The following CPSF1 variants were observed in gnomAD, a reference collection of about 807,000 sequenced individuals.
CPSF1 encodes cleavage and polyadenylation specificity factor subunit 1.
CPSF1 carries 106 observed loss-of-function variants against 175.8 expected under a neutral mutation model. The ratio of observed to expected loss-of-function variants is 0.60; its 90% CI spans 0.52 to 0.71. The LOEUF is 0.71. Ranked by LOEUF, CPSF1 falls within the 30% of genes least tolerant of loss-of-function variation. The probability of loss-of-function intolerance (pLI) is 0.00; values close to 1 mark genes in which losing one functional copy is unlikely to be tolerated. For synonymous variants in CPSF1, 1,024 were observed against 858.3 expected, an observed-to-expected ratio of 1.19 and a Z score of -3.37; for missense variants, 1,734 against 2,022.9, an observed-to-expected ratio of 0.86 and a Z score of 2.74.
rs2116855708 is a variant in CPSF1, at chr8:144,398,884, G to A, written c.1549-16C>T. The A allele has an allele frequency of 3.1e-5, 50 of 1,610,284 alleles. No homozygotes were observed. The highest frequency in any genetic ancestry group is 2.9e-4 in the South Asian group (26 of 90,904). ...GGATGCTCTTCTAGAATGATGATGG[G>A]GTGGGGGTGTGATGGGGGTGTGAGC... On this transcript the variant is annotated splice_polypyrimidine_tract_variant and intron_variant, in intron 16 of 37. Transcript: ENST00000616140.
rs2116873157 is a variant in CPSF1, at chr8:144,400,190, T to C, written c.913A>G (p.Thr305Ala). 2 of 1,380,774 alleles carry C rather than the reference T, an allele frequency of 1.4e-6. No individual in the cohort carries two copies. Among genetic ancestry groups the C allele is most frequent in the East Asian group, 7.4e-5 (2 of 26,900 alleles). The allele number at this position is 1,380,774 out of a possible 1,614,324, so 85.5% of individuals were successfully genotyped here. A position where few individuals can be genotyped will look rare whatever the true frequency, so the allele number is the denominator to read the frequency against. Residue 305 changes from threonine (T) to alanine (A), a missense_variant, in exon 9 of 38, where the codon ACA (threonine) becomes GCA (alanine). Around this residue, in one of 10 missense-constraint regions of CPSF1, gnomAD observed 61 missense variants for 104.0 expected, o/e 0.59. Transcript: ENST00000616140. ...CGAAGCGGGAAAGCCGTGGTTCCTG[T>C]GGTGAGGCTGTTGAGAGCCACGCCA... Reference protein sequence around the residue: ...PYGVALNSLTTGTTAFPLRTQ... With the variant: ...PYGVALNSLTAGTTAFPLRTQ...
rs1820507704 is a variant in CPSF1, at chr8:144,393,775, C to T, written c.4037G>A (p.Gly1346Glu). 4 of 1,596,132 alleles carry T rather than the reference C, an allele frequency of 2.5e-6. No homozygotes were observed. The highest frequency in any genetic ancestry group is 2.5e-6 in the Non-Finnish European group (3 of 1,177,252). ...TWFATLDGGI[G>E]LLLPMQEKTY... ...CTTCTCCTGCATGGGCAGCAGCAGCCCGATGCCGCCGTCCAGGGTGGCTGG... is the reference window on the plus strand; with the variant it reads ...CTTCTCCTGCATGGGCAGCAGCAGCTCGATGCCGCCGTCCAGGGTGGCTGG... The change falls in exon 36 of 38, where the codon GGG becomes GAG. Residue 1346 changes from glycine (G) to glutamate (E), a missense_variant. Gly to Glu is a moderately conservative substitution (Grantham distance 98). This residue lies in a region of CPSF1 where 323 missense variants were observed against 338.5 expected (regional missense o/e 0.95). Coordinates refer to ENST00000616140, the MANE Select transcript of CPSF1 (RefSeq NM_013291.3).
rs2116881005 is a variant in CPSF1, at chr8:144,401,050, G to T, written c.413C>A (p.Thr138Lys). The change falls in exon 6 of 38, where the codon ACG becomes AAG. Residue 138 changes from threonine to lysine, a missense_variant. Physicochemically the swap from Thr to Lys is moderately conservative, Grantham distance 78. Coordinates refer to ENST00000616140, the MANE Select transcript of CPSF1 (RefSeq NM_013291.3). ...GTCGGGGTCCACCCGCACTCGCGGC[G>T]TGTGTACATTCTGCACAAACCCGTC... ...LRDGFVQNVH[T>K]PRVRVDPDGR... 4 of 1,607,770 alleles carry T rather than the reference G, an allele frequency of 2.5e-6. No homozygotes were observed.
Position 144,400,789 on chromosome 8 carries a change from T to C in CPSF1, c.568A>G (p.Ile190Val), listed in dbSNP as rs2116878305. The C allele has an allele frequency of 8.1e-6, 13 of 1,613,702 alleles. No individual in the cohort carries two copies. Among genetic ancestry groups the C allele is most frequent in the African/African-American group, 1.3e-5 (1 of 74,920 alleles). ...TCGTCTAGGGCCCGCACGTCGATGA[T>C]GTAGCTGGGCAGGAAGCTGGACCTC... The part of the protein sequence containing the change: ...GQRSSFLPSY[I>V]IDVRALDEKL... The change falls in exon 7 of 38, where the codon ATC (isoleucine) becomes GTC (valine). Residue 190 changes from isoleucine (I) to valine (V), a missense_variant. Ile to Val is a conservative substitution (Grantham distance 29). Coordinates refer to ENST00000616140, the MANE Select transcript of CPSF1 (RefSeq NM_013291.3).
At position 144,396,719 on chromosome 8, in the gene CPSF1, C is replaced by T. The variant is rs782553377; in HGVS notation, c.2705G>A (p.Arg902His). Residue 902 changes from arginine to histidine, a missense_variant, in exon 25 of 38, where the codon CGT becomes CAT. Arg to His is a conservative substitution (Grantham distance 29). This residue lies in a region of CPSF1 where 585 missense variants were observed against 584.7 expected (regional missense o/e 1.00). Coordinates refer to ENST00000616140, the MANE Select transcript of CPSF1 (RefSeq NM_013291.3). ...FKKVPHNINFREKKPKPSKKK... is the reference protein window; with the variant it reads ...FKKVPHNINFHEKKPKPSKKK... ...CTTGGATGGCTTTGGCTTCTTCTCACGGAAGTTGATGTTGTGAGGGACCTG... is the reference window on the plus strand; with the variant it reads ...CTTGGATGGCTTTGGCTTCTTCTCATGGAAGTTGATGTTGTGAGGGACCTG... The T allele has an allele frequency of 1.2e-5, 20 of 1,613,812 alleles. No homozygotes were observed. The highest frequency in any genetic ancestry group is 2.7e-5 in the African/African-American group (2 of 74,914).
Position 144,400,836 on chromosome 8 carries a change from CAGCAGGAG to C in CPSF1, c.540-27_540-20del. The C allele has an allele frequency of 6.2e-7, 1 of 1,612,638 alleles. No individual in the cohort carries two copies. Among genetic ancestry groups the C allele is most frequent in the Non-Finnish European group, 8.5e-7 (1 of 1,179,756 alleles). On this transcript the variant is annotated intron_variant, in intron 6 of 37. Transcript: ENST00000616140. Reference sequence around the variant, plus strand: ...CCTCTGCCTGGGGGGCCAGGGGCTTCAGCAGGAGAGGAGGGGAGGCGGGGAGGGGAGCT... The same window carrying C: ...CCTCTGCCTGGGGGGCCAGGGGCTTCAGGAGGGGAGGCGGGGAGGGGAGCT...
At chr8:144,407,612 T>C (rs1449879562) in intron 2 of CPSF1, among the ~76,000 whole-genome samples, 1 of 152,114 alleles carries the variant, frequency 6.6e-6, no homozygotes, top group Admixed American at 6.6e-5. Flanking sequence ...GGCACAAGAA[T>C]TGCCTGAACC....
rs2116899934 is a variant in CPSF1, at chr8:144,404,814, T to C, written c.145-3141A>G. The stretch of plus-strand genomic sequence containing the variant: ...GCTCACGCCTGTAATCCCAGCACTT[T>C]GGGAGGCTGAGGCAAGCGGATCACG... On this transcript the variant is annotated intron_variant, in intron 2 of 37. Coordinates refer to ENST00000616140, the MANE Select transcript of CPSF1 (RefSeq NM_013291.3). 9.2e-5 allele frequency among the ~76,000 whole-genome samples: 14 copies of C among 151,854 alleles called. No homozygotes were observed. The South Asian group carries it at 2.9e-3, about 32-fold the overall frequency.
In CPSF1 at chr8:144,395,197, G is replaced by A. The variant is rs560680397; in HGVS notation, c.3188-15C>T. ...GTACCGCTCATCTGTGGGGACCAAG[G>A]GTGACAGTCAGAGTAGGGCTTCCCC... On this transcript the variant is annotated splice_polypyrimidine_tract_variant and intron_variant, in intron 28 of 37. Transcript: ENST00000616140. 2.6e-4 allele frequency: 414 copies of A among 1,612,898 alleles called. 5 individuals carry two copies. The South Asian group carries it at 4.1e-3, about 16-fold the overall frequency.
Position 144,400,074 on chromosome 8 carries a change from C to T in CPSF1, c.949G>A (p.Gly317Ser). The T allele has an allele frequency of 1.2e-6, 2 of 1,611,654 alleles. No individual in the cohort carries two copies. Among genetic ancestry groups the T allele is most frequent in the Non-Finnish European group, 8.5e-7 (1 of 1,179,752 alleles). The change falls in exon 10 of 38, where the codon GGT (glycine) becomes AGT (serine). Residue 317 changes from glycine to serine, a missense_variant. Physicochemically the swap from Gly to Ser is moderately conservative, Grantham distance 56 (BLOSUM62 0). This residue lies in a region of CPSF1 where 61 missense variants were observed against 104.0 expected (regional missense o/e 0.59). Coordinates refer to ENST00000616140, the MANE Select transcript of CPSF1 (RefSeq NM_013291.3). ...GCGCAGTCCAGGGTGATCCGCACAC[C>T]CTCCTGGGTGCCTGTGGGGTGGGTG... Reference protein sequence around the residue: ...TTAFPLRTQEGVRITLDCAQA... With the variant: ...TTAFPLRTQESVRITLDCAQA...
At chr8:144,405,069 GA>G (rs199913266) in intron 2 of CPSF1, among the ~76,000 whole-genome samples, 150,272 of 151,164 alleles carry the variant, frequency 0.99, 74,702 homozygotes, top group Middle Eastern at 1. Flanking sequence ...AAGAAAGAAA[GA>G]AAAAAAAACC....
At chr8:144,400,135 G>GGGGGGGGCCCCCCCCCCCCCCCCCCCCC in intron 9 of CPSF1, 31 bp downstream of exon 9, 8 of 896,002 alleles carry the variant, frequency 8.9e-6, no homozygotes, top group South Asian at 1.6e-5. Flanking sequence ...CCGTCCCCGG[G>GGGGGGGGCCCCCCCCCCCCCCCCCCCCC]CCCCCCCCGC....
At chr8:144,400,139 C>CCCCCCCCCCCCCCCCCCCCCCCCCCA in intron 9 of CPSF1, 27 bp downstream of exon 9, 1 of 1,221,758 alleles carries the variant, frequency 8.2e-7, no homozygotes. Context: ...CCCCGGGCCC[C>CCCCCCCCCCCCCCCCCCCCCCCCCCA]CCCCGCCCCA....
intron 4 of CPSF1, 31 bp downstream of exon 4, chr8:144,401,399 C>G: frequency 6.2e-7 from 1 of 1,613,086 alleles, no homozygotes; most frequent in South Asian, 1.1e-5. Context: ...CACGCCTTGG[C>G]CAGGCCTACC....
chr8:144,404,795 G>A (rs2116899892), intron 2 of CPSF1, among the ~76,000 whole-genome samples: 2 of 150,640 alleles, frequency 1.3e-5, no homozygotes, highest in Non-Finnish European at 3.0e-5. Flanking sequence ...GGTGGCTCAC[G>A]CCTGTAATCC....
Position 144,401,027 on chromosome 8 carries a change from CG to C in CPSF1, c.435del (p.Asp146ThrfsTer51). The C allele has an allele frequency of 1.2e-6, 2 of 1,609,064 alleles. No homozygotes were observed. The highest frequency in any genetic ancestry group is 8.5e-7 in the Non-Finnish European group (1 of 1,177,520). On this transcript the variant is annotated frameshift_variant, in exon 6 of 38. Transcript: ENST00000616140. LOFTEE classifies it high-confidence loss of function. ...ACAAGCATGGCTGCACAGCGCCCGT[CG>C]GGGTCCACCCGCACTCGCGGCGTGT... is the stretch of plus-strand genomic sequence containing the variant. ...NVHTPRVRVD[P>X]DGRCAAMLVY...
chr8:144,402,669 G>A (rs1454603874), intron 2 of CPSF1, among the ~76,000 whole-genome samples: 1 of 152,130 alleles, frequency 6.6e-6, no homozygotes, highest in Non-Finnish European at 1.5e-5. Flanking sequence ...TACAGAAGAA[G>A]CATCCACAAA....
At chr8:144,395,237 G>A (rs782506639) in intron 28 of CPSF1, 28 bp downstream of exon 28, 50 of 1,612,906 alleles carry the variant, frequency 3.1e-5, no homozygotes, top group Non-Finnish European at 4.0e-5. Flanking sequence ...TGCGGCTGAG[G>A]ATGGGAGTAT....
chr8:144,401,819 G>C, intron 2 of CPSF1, 146 bp from the exon 3 acceptor site: 1 of 869,404 alleles, frequency 1.2e-6, no homozygotes, highest in Admixed American at 2.8e-5. Context: ...AGGGCTTCTG[G>C]AGACAGCTGT....
Sources: allele counts gnomAD v4.1 joint callset (sites outside exome capture counted in the v4.1 genomes callset), GRCh38; gene constraint gnomAD v4.1.1; regional missense constraint gnomAD v4.1.1; transcripts MANE v1.5; gene names NCBI Gene and HGNC (gene_info 2026-07-23, HGNC 2026-07-21).